ERICH3: variants seen among roughly 807,000 people sequenced by gnomAD.
The protein encoded by ERICH3 is glutamate-rich protein 3.
Under a neutral mutation model 131.1 loss-of-function variants are expected in ERICH3, and 126 were observed. The observed-to-expected ratio is 0.96, with a 90% CI of 0.83 to 1.11. The LOEUF (loss-of-function observed/expected upper bound fraction) is 1.11. Ranked by LOEUF, ERICH3 falls within the 50% of genes most tolerant of loss-of-function variation. ERICH3 has a pLI of 0.00. For missense variants in ERICH3, 2,050 were observed against 1,810.7 expected, an observed-to-expected ratio of 1.13 and a Z score of -2.40; for synonymous variants, 695 against 644.6, an observed-to-expected ratio of 1.08 and a Z score of -1.18.
intron 12 of ERICH3, among the ~76,000 whole-genome samples, chr1:74,580,896 T>C (rs1410634595): frequency 6.6e-6 from 1 of 152,162 alleles, no homozygotes; most frequent in African/African-American, 2.4e-5. Context: ...ACCCAATAAG[T>C]AGTTTTTCAA....
chr1:74,662,241 C>A (rs1317109447), intron 1 of ERICH3, among the ~76,000 whole-genome samples: 2 of 152,166 alleles, frequency 1.3e-5, no homozygotes, highest in Non-Finnish European at 2.9e-5. Context: ...CGTCTTCACA[C>A]ACTGCAGCCT....
intron 12 of ERICH3, among the ~76,000 whole-genome samples, chr1:74,589,012 T>C (rs1647463189): frequency 6.6e-6 from 1 of 152,180 alleles, no homozygotes; most frequent in South Asian, 2.1e-4. Flanking sequence ...ATTTATAAGT[T>C]CTGGAACAAC....
Position 74,641,474 on chromosome 1 carries a change from C to T in ERICH3, c.316-15G>A. On this transcript the variant is annotated splice_polypyrimidine_tract_variant and intron_variant, in intron 4 of 14. Transcript: ENST00000326665. ...GTGTGCTCTCCCTAGAATAAGAAAG[C>T]AATTTAGCAAATAGATGCATAGTTA... The T allele has an allele frequency of 6.2e-7, 1 of 1,607,790 alleles. No homozygotes were observed. Among genetic ancestry groups the T allele is most frequent in the Non-Finnish European group, 8.5e-7 (1 of 1,177,524 alleles).
chr1:74,666,837 T>C (rs1480052104), intron 1 of ERICH3, among the ~76,000 whole-genome samples: 1 of 152,206 alleles, frequency 6.6e-6, no homozygotes, highest in African/African-American at 2.4e-5. Flanking sequence ...AAACACATGA[T>C]TGTGTGTTCA....
intron 13 of ERICH3, among the ~76,000 whole-genome samples, chr1:74,576,178 A>C (rs1647050083): frequency 6.6e-6 from 1 of 152,226 alleles, no homozygotes; most frequent in Non-Finnish European, 1.5e-5. Flanking sequence ...TTTGACAGTA[A>C]ATGAGATAAT....
intron 13 of ERICH3, among the ~76,000 whole-genome samples, chr1:74,574,647 T>G (rs973019293): frequency 2.0e-5 from 3 of 152,222 alleles, no homozygotes; most frequent in Non-Finnish European, 4.4e-5. Context: ...AGAGTACAAG[T>G]GTTCACCCAT....
At chr1:74,598,521 T>G (rs1647962997) in intron 11 of ERICH3, among the ~76,000 whole-genome samples, 1 of 151,384 alleles carries the variant, frequency 6.6e-6, no homozygotes, top group Non-Finnish European at 1.5e-5. Flanking sequence ...AAAAAAAAAT[T>G]GAATGAAAGC....
intron 1 of ERICH3, among the ~76,000 whole-genome samples, chr1:74,664,392 A>G (rs1646670138): frequency 2.0e-5 from 3 of 151,988 alleles, no homozygotes; most frequent in Admixed American, 2.0e-4. Flanking sequence ...ACAGCAGATT[A>G]TTTTATTTCA....
chr1:74,587,522 GA>G (rs912501934), intron 12 of ERICH3, among the ~76,000 whole-genome samples: 22 of 150,192 alleles, frequency 1.5e-4, no homozygotes, highest in Non-Finnish European at 2.2e-4. Flanking sequence ...CAAACCCAGA[GA>G]AAAAAAAACT....
intron 12 of ERICH3, chr1:74,577,174 C>A: frequency 2.5e-6 from 1 of 406,078 alleles, no homozygotes. Context: ...TAAATTTATA[C>A]CTGATGTTAG....
chr1:74,615,812 G>T (rs1445234850), intron 8 of ERICH3, among the ~76,000 whole-genome samples: 1 of 152,112 alleles, frequency 6.6e-6, no homozygotes, highest in Non-Finnish European at 1.5e-5. Context: ...AATAGGGTAG[G>T]CCAGGCCACA....
At chr1:74,649,178 C>T in intron 2 of ERICH3, 44 bp downstream of exon 2, 1 of 1,375,572 alleles carries the variant, frequency 7.3e-7, no homozygotes, top group Non-Finnish European at 1.0e-6. Context: ...AATTATTGGA[C>T]TTAATGAAAC....
At chr1:74,590,749 G>T (rs1483997793) in intron 11 of ERICH3, among the ~76,000 whole-genome samples, 1 of 152,112 alleles carries the variant, frequency 6.6e-6, no homozygotes, top group East Asian at 1.9e-4. Flanking sequence ...GTGGCCCGGG[G>T]ATTAGATCCC....
At chr1:74,599,116 T>C (rs1378589455) in intron 11 of ERICH3, among the ~76,000 whole-genome samples, 1 of 151,966 alleles carries the variant, frequency 6.6e-6, no homozygotes, top group Non-Finnish European at 1.5e-5. Flanking sequence ...GTTTATGTAA[T>C]GGAAAGATAC....
rs372211794 is a variant in ERICH3, at chr1:74,672,420, G to A, written c.23+1077C>T. ...AAAAGTTCTGAAACTGATTTCCAACGTGGCACCTTATATGGCTTTAGTTTT... is the reference window on the plus strand; with the variant it reads ...AAAAGTTCTGAAACTGATTTCCAACATGGCACCTTATATGGCTTTAGTTTT... On this transcript the variant is annotated intron_variant, in intron 1 of 14. Transcript: ENST00000326665. Among the ~76,000 whole-genome samples the A allele has an allele frequency of 9.9e-5, 15 of 152,258 alleles. No homozygotes were observed. The South Asian group carries it at 2.1e-3, about 21-fold the overall frequency.
At chr1:74,668,187 A>G (rs531335419) in intron 1 of ERICH3, among the ~76,000 whole-genome samples, 2 of 152,288 alleles carry the variant, frequency 1.3e-5, no homozygotes, top group South Asian at 2.1e-4. Context: ...AAGGGAATCA[A>G]TTTCTATTGC....
chr1:74,653,350 C>A (rs1463080849), intron 1 of ERICH3, among the ~76,000 whole-genome samples: 1 of 151,816 alleles, frequency 6.6e-6, no homozygotes, highest in Non-Finnish European at 1.5e-5. Context: ...GATGCACACA[C>A]TAGATACACA....
At position 74,636,385 on chromosome 1, in the gene ERICH3, T is replaced by TA. The variant is rs1390446844; in HGVS notation, c.497dup (p.Leu166PhefsTer7). Reference sequence around the variant, plus strand: ...CTGCAGGATTACTGGGAAGAGGCTGTAATCGAATTGGAGGCTGCATATTTC... The same window carrying TA: ...CTGCAGGATTACTGGGAAGAGGCTGTAAATCGAATTGGAGGCTGCATATTTC... On this transcript the variant is annotated frameshift_variant, in exon 6 of 15. Transcript: ENST00000326665. LOFTEE classifies it high-confidence loss of function. 1.9e-6 allele frequency: 3 copies of TA among 1,613,010 alleles called. No individual in the cohort carries two copies. The highest frequency in any genetic ancestry group is 2.5e-6 in the Non-Finnish European group (3 of 1,179,296).
At chr1:74,660,813 G>A (rs1206919645) in intron 1 of ERICH3, among the ~76,000 whole-genome samples, 1 of 151,730 alleles carries the variant, frequency 6.6e-6, no homozygotes, top group Non-Finnish European at 1.5e-5. Flanking sequence ...CCTAATGGCT[G>A]TCAGTGATTT....
Sources: gnomAD v4.1 joint callset for allele counts (sites outside exome capture counted in the v4.1 genomes callset) on GRCh38, gnomAD v4.1.1 for gene constraint, MANE v1.5 for transcripts, NCBI Gene and HGNC (gene_info 2026-07-23, HGNC 2026-07-21) for gene names.